TTBK1: variants seen among roughly 807,000 people sequenced by gnomAD.
TTBK1 encodes the protein tau-tubulin kinase 1.
TTBK1 carries 34 observed loss-of-function variants against 108.5 expected under a neutral mutation model. The observed-to-expected ratio is 0.31, with a 90% confidence interval of 0.24 to 0.42. The LOEUF (loss-of-function observed/expected upper bound fraction) is 0.42, where lower values mean the gene tolerates loss of function less well. TTBK1 is among the 10% of genes least tolerant of loss of function. TTBK1 has a pLI of 1.00. For missense variants in TTBK1, 1,539 were observed against 1,826.0 expected (o/e 0.84, Z 2.86); for synonymous variants, 809 against 795.1 (o/e 1.02, Z -0.29).
At chr6:43,281,835 G>A (rs1038649090) in intron 13 of TTBK1, among the ~76,000 whole-genome samples, 1 of 152,206 alleles carries the variant, frequency 6.6e-6, no homozygotes, top group African/African-American at 2.4e-5. Context: ...GGTGCCTGGG[G>A]ATGTCTGTGT....
At chr6:43,281,655 G>A (rs533698386) in intron 13 of TTBK1, among the ~76,000 whole-genome samples, 3 of 152,174 alleles carry the variant, frequency 2.0e-5, no homozygotes, top group Non-Finnish European at 2.9e-5. Flanking sequence ...GCAGGAAAGT[G>A]GGGAGGCAGG....
chr6:43,249,619 C>G (rs1382130435), intron 2 of TTBK1, among the ~76,000 whole-genome samples: 1 of 151,808 alleles, frequency 6.6e-6, no homozygotes, highest in Admixed American at 6.6e-5. Context: ...CTCTGTCGCC[C>G]AGGCTCGAGT....
chr6:43,272,248 C>G (rs1307520624), intron 13 of TTBK1: 1 of 985,336 alleles, frequency 1.0e-6, no homozygotes, highest in Admixed American at 6.1e-5. Context: ...CTCTGTGATC[C>G]AGCATTCCCT....
chr6:43,268,564 A>G (rs1777741029), intron 13 of TTBK1, among the ~76,000 whole-genome samples: 1 of 152,034 alleles, frequency 6.6e-6, no homozygotes, highest in Admixed American at 6.6e-5. Flanking sequence ...TGTAAAAGCT[A>G]TTTCAACTGG....
intron 1 of TTBK1, among the ~76,000 whole-genome samples, chr6:43,245,137 T>C (rs1777053414): frequency 6.6e-6 from 1 of 152,162 alleles, no homozygotes; most frequent in Non-Finnish European, 1.5e-5. Flanking sequence ...CCCTGTCCCC[T>C]ATGGCAGGAT....
chr6:43,248,414 G>A (rs1367245964), intron 2 of TTBK1, among the ~76,000 whole-genome samples: 1 of 152,102 alleles, frequency 6.6e-6, no homozygotes, highest in Non-Finnish European at 1.5e-5. Flanking sequence ...AGTGGCACTA[G>A]ATGTGGCATT....
intron 13 of TTBK1, chr6:43,271,720 A>G (rs1451422568): frequency 1.0e-5 from 10 of 985,112 alleles, no homozygotes; most frequent in Non-Finnish European, 1.1e-5. Flanking sequence ...AAGCCACTCC[A>G]TAGTCACACA....
At position 43,276,146 on chromosome 6, in the gene TTBK1, C is replaced by G. The variant is rs1479163909; in HGVS notation, c.1987-6581C>G. 3.3e-5 allele frequency among the ~76,000 whole-genome samples: 5 copies of G among 152,082 alleles called. No homozygotes were observed. Among genetic ancestry groups the G allele is most frequent in the Non-Finnish European group, 5.9e-5 (4 of 68,010 alleles). ...CAGTCGGTTTATTCCTGAGCCTTCC[C>G]CTCCCATCGTAAGTCCTTCCCTCGA... On this transcript the variant is annotated intron_variant, in intron 13 of 14. Transcript: ENST00000259750. The surrounding 1 kb of genome is among the most constrained non-coding windows in gnomAD (Gnocchi z 5.4).
intron 6 of TTBK1, 50 bp downstream of exon 6, chr6:43,254,701 C>A (rs770584589): frequency 2.0e-6 from 3 of 1,476,506 alleles, no homozygotes; most frequent in Non-Finnish European, 1.8e-6. Context: ...CCCCTACTCC[C>A]AGATCTGGGG....
At position 43,269,609 on chromosome 6, in the gene TTBK1, C is replaced by A; in HGVS notation, c.1986+6259C>A. 1 of 1,592,216 alleles carries A rather than the reference C, an allele frequency of 6.3e-7. No individual in the cohort carries two copies. The highest frequency in any genetic ancestry group is 2.3e-5 in the East Asian group (1 of 44,130). ...GGAGCTGTCGAGTCTGTGCCTGACA[C>A]CTCTTTTCCCTCCACTTTCTTGGTC... On this transcript the variant is annotated intron_variant, in intron 13 of 14. Transcript: ENST00000259750. This position sits in a 1 kb window ranked among gnomAD's most constrained non-coding sequence, Gnocchi z 4.8.
rs760924319 is a variant in TTBK1, at chr6:43,259,641, G to T, written c.1359G>T (p.Arg453Ser). 6.2e-7 allele frequency: 1 copy of T among 1,609,974 alleles called. No individual in the cohort carries two copies. ...TTPVRSLRYR[R>S]VNSPESERLS... The stretch of plus-strand genomic sequence containing the variant: ...CAGTCCGTTCTCTGCGCTACCGGAG[G>T]GTGAACAGCCCTGAGTCAGAAAGGC... Residue 453 changes from arginine (R) to serine (S), a missense_variant, in exon 12 of 15, where the codon AGG becomes AGT. This residue lies in a region of TTBK1 where 277 missense variants were observed against 332.4 expected (regional missense o/e 0.83). Coordinates refer to ENST00000259750, the MANE Select transcript of TTBK1 (RefSeq NM_032538.3). This position sits in a 1 kb window ranked among gnomAD's most constrained non-coding sequence, Gnocchi z 6.7.
At chr6:43,251,756 C>A (rs1777247004) in intron 2 of TTBK1, among the ~76,000 whole-genome samples, 1 of 152,252 alleles carries the variant, frequency 6.6e-6, no homozygotes, top group Admixed American at 6.5e-5. Context: ...CCGGTCCCAC[C>A]ACGCTCTCAC....
intron 13 of TTBK1, among the ~76,000 whole-genome samples, chr6:43,280,520 A>C (rs1778127986): frequency 1.3e-5 from 2 of 152,194 alleles, no homozygotes; most frequent in Non-Finnish European, 2.9e-5. Context: ...GATATAGAGA[A>C]AATAAGGACC....
chr6:43,251,276 G>C (rs928753071), intron 2 of TTBK1, among the ~76,000 whole-genome samples: 3 of 152,190 alleles, frequency 2.0e-5, no homozygotes, highest in Non-Finnish European at 2.9e-5. Context: ...TTCGGGGCGG[G>C]TTCAGAGATG....
Position 43,253,576 on chromosome 6 carries a change from C to A in TTBK1, c.339C>A (p.Asn113Lys). ...CCTCCACCCCCATGCAGGGCCGGAA[C>A]CTGGCCGACCTGCGCCGTAGCCAGC... is the stretch of plus-strand genomic sequence containing the variant. ...NYVVMQLQGR[N>K]LADLRRSQPR... The change falls in exon 5 of 15, where the codon AAC (asparagine) becomes AAA (lysine). Residue 113 changes from asparagine (N) to lysine (K), a missense_variant. Physicochemically the swap from Asn to Lys is moderately conservative, Grantham distance 94 (BLOSUM62 0). Around this residue, in one of 5 missense-constraint regions of TTBK1, gnomAD observed 155 missense variants for 348.5 expected, o/e 0.44. Coordinates refer to ENST00000259750, the MANE Select transcript of TTBK1 (RefSeq NM_032538.3). The surrounding 1 kb of genome is among the most constrained non-coding windows in gnomAD (Gnocchi z 5.8). The A allele has an allele frequency of 6.2e-7, 1 of 1,608,440 alleles. No individual in the cohort carries two copies. The highest frequency in any genetic ancestry group is 8.5e-7 in the Non-Finnish European group (1 of 1,177,618).
intron 2 of TTBK1, among the ~76,000 whole-genome samples, chr6:43,252,512 A>G (rs1777270904): frequency 6.6e-6 from 1 of 151,968 alleles, no homozygotes; most frequent in Non-Finnish European, 1.5e-5. Context: ...CTGTAGTCCC[A>G]GCTACTCAGG....
intron 13 of TTBK1, among the ~76,000 whole-genome samples, chr6:43,281,333 G>A (rs1377922333): frequency 3.4e-5 from 5 of 148,426 alleles, no homozygotes; most frequent in African/African-American, 1.3e-4. Flanking sequence ...CCGAGATCGT[G>A]CCACTGCACT....
chr6:43,276,801 A>G lies in TTBK1; in HGVS notation c.1987-5926A>G, dbSNP rs1335032611. Among the ~76,000 whole-genome samples, 1 of 152,062 alleles carries G rather than the reference A, an allele frequency of 6.6e-6. No individual in the cohort carries two copies. The highest frequency in any genetic ancestry group is 1.9e-4 in the East Asian group (1 of 5,176). On this transcript the variant is annotated intron_variant, in intron 13 of 14. Transcript: ENST00000259750. The surrounding 1 kb of genome is among the most constrained non-coding windows in gnomAD (Gnocchi z 5.4). ...TGACTCTGGGACTGAGGGGTGGGCA[A>G]GTTCTGGGTCAGTGGATGAGCTTCG... is the stretch of plus-strand genomic sequence containing the variant.
intron 13 of TTBK1, among the ~76,000 whole-genome samples, chr6:43,267,852 C>T (rs946927065): frequency 6.6e-6 from 1 of 152,198 alleles, no homozygotes; most frequent in Non-Finnish European, 1.5e-5. Flanking sequence ...GCCACCAAAG[C>T]ATTTCCCTGC....
Sources: gnomAD v4.1 joint callset for allele counts (sites outside exome capture counted in the v4.1 genomes callset) on GRCh38, gnomAD v4.1.1 for gene constraint, gnomAD v4.1.1 regional missense constraint, Gnocchi (gnomAD v3.1) non-coding constraint, MANE v1.5 for transcripts, NCBI Gene and HGNC (gene_info 2026-07-23, HGNC 2026-07-21) for gene names.